Variants in RFX7 observed in about 807,000 individuals in gnomAD.
RFX7 encodes the protein DNA-binding protein RFX7.
A neutral mutation model predicts 111.8 loss-of-function variants in RFX7; 26 were observed. The ratio of observed to expected loss-of-function variants is 0.23; its 90% CI spans 0.17 to 0.32. The LOEUF is 0.32. Ranked by LOEUF, RFX7 falls within the 10% of genes least tolerant of loss-of-function variation. The pLI, the probability that RFX7 is intolerant of heterozygous loss-of-function variation, is 1.00. For missense variants in RFX7, 1,573 were observed against 1,772.9 expected (o/e 0.89, Z 2.02); for synonymous variants, 624 against 624.4 (o/e 1.00, Z 0.01).
At chr15:56,127,650 C>G (rs1392978613) in intron 5 of RFX7, among the ~76,000 whole-genome samples, 8 of 150,984 alleles carry the variant, frequency 5.3e-5, no homozygotes, top group Admixed American at 3.3e-4. Flanking sequence ...CAGGTTCATG[C>G]CATTCTCCTG....
intron 3 of RFX7, among the ~76,000 whole-genome samples, chr15:56,153,673 C>T (rs958911896): frequency 6.6e-6 from 1 of 152,128 alleles, no homozygotes; most frequent in Non-Finnish European, 1.5e-5. Context: ...ATGACAAACC[C>T]ACAGCCAGTA....
intron 3 of RFX7, among the ~76,000 whole-genome samples, chr15:56,155,079 C>A (rs1336951338): frequency 2.0e-5 from 3 of 152,104 alleles, no homozygotes; most frequent in African/African-American, 7.2e-5. Context: ...CAATAAGATA[C>A]CATCTCACGG....
intron 5 of RFX7, among the ~76,000 whole-genome samples, chr15:56,109,587 A>G (rs2140930816): frequency 6.9e-6 from 1 of 144,760 alleles, no homozygotes; most frequent in Middle Eastern, 4.0e-3. Flanking sequence ...CCGCCATCCC[A>G]TCTAGGAAGT....
rs556691437 is a variant in RFX7 at position 56,097,262 on chromosome 15, G to A, written c.1108-642C>T. On this transcript the variant is annotated intron_variant, in intron 9 of 9. Transcript: ENST00000559447. ...CCCTTCATCATAACCTCAGTTGTGT[G>A]AGATAGGAAAGGAGGAGACTGTTTC... is the stretch of plus-strand genomic sequence containing the variant. Among the ~76,000 whole-genome samples the A allele has an allele frequency of 2.0e-5, 3 of 152,272 alleles. No homozygotes were observed. The East Asian group carries it at 5.8e-4, about 29-fold the overall frequency.
At position 56,096,173 on chromosome 15, in the gene RFX7, G is replaced by A; in HGVS notation, c.1555C>T (p.Leu519Phe). 1 of 1,613,918 alleles carries A rather than the reference G, an allele frequency of 6.2e-7. No homozygotes were observed. The highest frequency in any genetic ancestry group is 8.5e-7 in the Non-Finnish European group (1 of 1,179,868). The change falls in exon 10 of 10, where the codon CTT (leucine) becomes TTT (phenylalanine). Residue 519 changes from leucine to phenylalanine, a missense_variant. Leu to Phe is a conservative substitution (Grantham distance 22, BLOSUM62 0). Around this residue, in one of 7 missense-constraint regions of RFX7, gnomAD observed 625 missense variants for 632.2 expected, o/e 0.99. Transcript: ENST00000559447. The stretch of plus-strand genomic sequence containing the variant: ...CTGCTCCTGGACCCAGGAGACTGAA[G>A]CGACACGACAGAACCATTCTTGATC... Reference protein sequence around the residue: ...PQIKNGSVVSLQSPGSRSSSA... With the variant: ...PQIKNGSVVSFQSPGSRSSSA...
intron 2 of RFX7, among the ~76,000 whole-genome samples, chr15:56,234,673 A>G (rs550162596): frequency 1.3e-5 from 2 of 152,296 alleles, no homozygotes; most frequent in Admixed American, 1.3e-4. Context: ...CACTCATCCA[A>G]TTAAATTTTT....
chr15:56,096,562 T>G lies in RFX7; in HGVS notation c.1166A>C (p.Lys389Thr). Residue 389 changes from lysine (K) to threonine (T), a missense_variant, in exon 10 of 10, where the codon AAA becomes ACA. Lys to Thr is a moderately conservative substitution (Grantham distance 78, BLOSUM62 -1). Around this residue, in one of 7 missense-constraint regions of RFX7, gnomAD observed 288 missense variants for 337.9 expected, o/e 0.85. Transcript: ENST00000559447. ...CACCTGTACATTGAGGGGAAGAACTTTGCCGTCAGAAGAACTCATTGGACT... is the reference window on the plus strand; with the variant it reads ...CACCTGTACATTGAGGGGAAGAACTGTGCCGTCAGAAGAACTCATTGGACT... ...SPSPMSSSDGKVLPLNVQVVT... is the reference protein window; with the variant it reads ...SPSPMSSSDGTVLPLNVQVVT... 6.3e-7 allele frequency: 1 copy of G among 1,599,764 alleles called. No individual in the cohort carries two copies. The highest frequency in any genetic ancestry group is 8.5e-7 in the Non-Finnish European group (1 of 1,172,796).
chr15:56,134,929 A>T (rs2042276437), intron 5 of RFX7, among the ~76,000 whole-genome samples: 1 of 152,056 alleles, frequency 6.6e-6, no homozygotes, highest in Admixed American at 6.5e-5. Context: ...CCATGTCCCT[A>T]CAAAGGACAT....
At chr15:56,123,169 T>C (rs527548548) in intron 5 of RFX7, among the ~76,000 whole-genome samples, 11 of 152,232 alleles carry the variant, frequency 7.2e-5, no homozygotes, top group African/African-American at 2.2e-4. Flanking sequence ...CACTGGGTCA[T>C]ACCTGAAGCC....
At chr15:56,172,036 T>C (rs1466820005) in intron 3 of RFX7, among the ~76,000 whole-genome samples, 1 of 152,008 alleles carries the variant, frequency 6.6e-6, no homozygotes, top group African/African-American at 2.4e-5. Flanking sequence ...CAGGATAGTG[T>C]GACATCTTAA....
chr15:56,119,506 G>C (rs1006259009), intron 5 of RFX7, among the ~76,000 whole-genome samples: 3 of 152,226 alleles, frequency 2.0e-5, no homozygotes, highest in Admixed American at 6.5e-5. Flanking sequence ...GCTGGGTGCG[G>C]TGGCTCACGC....
chr15:56,183,763 T>C (rs556408102), intron 2 of RFX7, among the ~76,000 whole-genome samples: 1 of 152,212 alleles, frequency 6.6e-6, no homozygotes, highest in Admixed American at 6.5e-5. Context: ...AAACTTTATG[T>C]AGGACTTTAT....
At chr15:56,220,934 G>C (rs976659768) in intron 2 of RFX7, among the ~76,000 whole-genome samples, 8 of 152,200 alleles carry the variant, frequency 5.3e-5, no homozygotes, top group African/African-American at 1.9e-4. Flanking sequence ...ATTGAATAGG[G>C]AGTCCTTTTC....
At chr15:56,161,082 C>T (rs547563910) in intron 3 of RFX7, among the ~76,000 whole-genome samples, 9 of 151,938 alleles carry the variant, frequency 5.9e-5, no homozygotes, top group Admixed American at 5.2e-4. Context: ...ATATTCTGCT[C>T]AAAGATAAGG....
chr15:56,137,882 C>T (rs554201530), intron 5 of RFX7, among the ~76,000 whole-genome samples: 169 of 152,050 alleles, frequency 1.1e-3, no homozygotes, highest in African/African-American at 4.0e-3. Context: ...ACCCAGTAGT[C>T]ATTCAGGAGC....
chr15:56,225,544 A>C (rs551132300), intron 2 of RFX7, among the ~76,000 whole-genome samples: 1 of 152,302 alleles, frequency 6.6e-6, no homozygotes, highest in South Asian at 2.1e-4. Flanking sequence ...ATAGGCTGAA[A>C]ATGTAGGTAA....
intron 2 of RFX7, among the ~76,000 whole-genome samples, chr15:56,234,452 C>A (rs1357696272): frequency 1.3e-5 from 2 of 152,152 alleles, no homozygotes; most frequent in African/African-American, 4.8e-5. Context: ...TTGCTAGTGG[C>A]TCCTGCTTCA....
chr15:56,127,893 T>TAA (rs1205111999), intron 5 of RFX7, among the ~76,000 whole-genome samples: 3 of 138,878 alleles, frequency 2.2e-5, no homozygotes, highest in African/African-American at 5.3e-5. Context: ...TGTCCAAGTT[T>TAA]AAAAAAAAAA....
intron 2 of RFX7, among the ~76,000 whole-genome samples, chr15:56,219,316 G>A (rs1277255583): frequency 6.6e-6 from 1 of 151,496 alleles, no homozygotes; most frequent in African/African-American, 2.4e-5. Context: ...CTTTCTAATG[G>A]TTAGTGTTTG....
Sources: gnomAD v4.1 joint callset for allele counts (sites outside exome capture counted in the v4.1 genomes callset) on GRCh38, gnomAD v4.1.1 for gene constraint, gnomAD v4.1.1 regional missense constraint, MANE v1.5 for transcripts, NCBI Gene and HGNC (gene_info 2026-07-23, HGNC 2026-07-21) for gene names.